KIR3DL2: variants seen among roughly 807,000 people sequenced by gnomAD.
KIR3DL2 encodes the protein killer cell immunoglobulin like receptor, three Ig domains and long cytoplasmic tail 2, also known as killer cell immunoglobulin-like receptor 3DL2.
In KIR3DL2, 42 loss-of-function variants were observed where a neutral mutation model predicts 41.6. The observed-to-expected ratio is 1.01, with a 90% CI of 0.79 to 1.31. The LOEUF (loss-of-function observed/expected upper bound fraction) is 1.31, where lower values mean the gene tolerates loss of function less well. Among genes scored for constraint, KIR3DL2 ranks in the 50% most tolerant of loss-of-function variants. The pLI is 0.00. For missense variants in KIR3DL2, 728 were observed against 576.8 expected (o/e 1.26, Z -2.68); for synonymous variants, 230 against 221.3 (o/e 1.04, Z -0.35).
Position 54,866,579 on chromosome 19 carries a change from T to C in KIR3DL2, c.1216T>C (p.Phe406Leu). 3.1e-6 allele frequency: 5 copies of C among 1,614,030 alleles called. No individual in the cohort carries two copies. The highest frequency in any genetic ancestry group is 3.4e-6 in the Non-Finnish European group (4 of 1,179,980). Residue 406 changes from phenylalanine (F) to leucine (L), a missense_variant, in exon 9 of 9, where the codon TTC (phenylalanine) becomes CTC (leucine). Coordinates refer to ENST00000326321, the MANE Select transcript of KIR3DL2 (RefSeq NM_006737.4). ...GTACGCACAGTTGGATCACTGCGTT[T>C]TCATACAGAGAAAAATCAGTCGCCC... The part of the protein sequence containing the change: ...VTYAQLDHCV[F>L]IQRKISRPSQ...
At position 54,864,968 on chromosome 19, in the gene KIR3DL2, C is replaced by T. The variant is rs150292458; in HGVS notation, c.1001-837C>T. Among the ~76,000 whole-genome samples, 596 of 152,136 alleles carry T rather than the reference C, an allele frequency of 3.9e-3. 4 individuals are homozygous for T. The highest frequency in any genetic ancestry group is 0.013 in the African/African-American group (552 of 41,526). ...AAAGGGAATGCTTCCAGTTTTTGCC[C>T]ATTCAGTATGATACTGGCTGTGGGT... On this transcript the variant is annotated intron_variant, in intron 6 of 8. Coordinates refer to ENST00000326321, the MANE Select transcript of KIR3DL2 (RefSeq NM_006737.4).
chr19:54,854,886 T>C (rs1170467302), intron 4 of KIR3DL2, among the ~76,000 whole-genome samples: 4 of 151,280 alleles, frequency 2.6e-5, no homozygotes, highest in African/African-American at 4.9e-5. Context: ...AGATTCCAAA[T>C]AGAACTAGAG....
rs1366326217 is a variant in KIR3DL2 at position 54,852,237 on chromosome 19, AC to A, written c.311del (p.Thr104MetfsTer11). On this transcript the variant is annotated frameshift_variant, in exon 3 of 9. Coordinates refer to ENST00000326321, the MANE Select transcript of KIR3DL2 (RefSeq NM_006737.4). LOFTEE classifies it high-confidence loss of function. ...TCGGGGTTCACGCCCACACTCCCTC[AC>A]TGGGTGGTCGGCACCCAGCAACCCC... ...RCRGSRPHSL[T>X]GWSAPSNPLV... is the part of the protein sequence containing the mutation. The A allele has an allele frequency of 6.2e-7, 1 of 1,610,894 alleles. No homozygotes were observed. Among genetic ancestry groups the A allele is most frequent in the Non-Finnish European group, 8.5e-7 (1 of 1,178,416 alleles).
chr19:54,853,714 G>A, intron 3 of KIR3DL2, 33 bp from the exon 4 acceptor site: 1 of 1,601,112 alleles, frequency 6.2e-7, no homozygotes, highest in South Asian at 1.1e-5. Context: ...GATAAAGAGA[G>A]ATGCCTTCTA....
Position 54,853,840 on chromosome 19 carries a change from T to G in KIR3DL2, c.449T>G (p.Phe150Cys). 6.2e-7 allele frequency: 1 copy of G among 1,613,274 alleles called. No homozygotes were observed. ...CTGCAATGTTGGTCAGATGTCATGT[T>G]TGAGCACTTCTTTCTGCACAGAGAG... Reference protein sequence around the residue: ...VILQCWSDVMFEHFFLHREGI... With the variant: ...VILQCWSDVMCEHFFLHREGI... Residue 150 changes from phenylalanine (F) to cysteine (C), a missense_variant, in exon 4 of 9, where the codon TTT becomes TGT. By Grantham distance (205) the Phe-to-Cys change is radical. Transcript: ENST00000326321.
rs769255248 is a variant in KIR3DL2, at chr19:54,855,871, T to G, written c.908T>G (p.Val303Gly). 2.5e-6 allele frequency: 4 copies of G among 1,610,290 alleles called. No individual in the cohort carries two copies. In the East Asian group the frequency reaches 6.7e-5, roughly 27 times the overall value. Residue 303 changes from valine to glycine, a missense_variant, in exon 5 of 9, where the codon GTG (valine) becomes GGG (glycine). Physicochemically the swap from Val to Gly is moderately radical, Grantham distance 109. Coordinates refer to ENST00000326321, the MANE Select transcript of KIR3DL2 (RefSeq NM_006737.4). ...GGCTCTTTCCGTGCCCTGCCCTGCG[T>G]GTGGTCAAACTCAAGTGACCCACTG... ...CFGSFRALPC[V>G]WSNSSDPLLV...
At chr19:54,856,783 C>G (rs1427533739) in intron 5 of KIR3DL2, among the ~76,000 whole-genome samples, 1 of 151,892 alleles carries the variant, frequency 6.6e-6, no homozygotes, top group African/African-American at 2.4e-5. Flanking sequence ...TTCATGAGAT[C>G]CACCTTTTAT....
intron 1 of KIR3DL2, 58 bp from the exon 2 acceptor site, chr19:54,851,162 C>A (rs1301703373): frequency 3.1e-6 from 5 of 1,599,024 alleles, no homozygotes; most frequent in Non-Finnish European, 4.3e-6. Flanking sequence ...GCAGTGGGGG[C>A]AGCAGGGTGC....
At chr19:54,851,425 G>T (rs112467345) in intron 2 of KIR3DL2, among the ~76,000 whole-genome samples, 170 bp downstream of exon 2, 1 of 150,924 alleles carries the variant, frequency 6.6e-6, no homozygotes, top group Non-Finnish European at 1.5e-5. Context: ...TCCCTTTCCT[G>T]AGTCAAGCTC....
At chr19:54,854,638 A>G (rs1242991169) in intron 4 of KIR3DL2, among the ~76,000 whole-genome samples, 1 of 151,844 alleles carries the variant, frequency 6.6e-6, no homozygotes, top group East Asian at 1.9e-4. Flanking sequence ...TCCTACATAT[A>G]ATAGGATCAC....
At chr19:54,859,163 G>C (rs1364767648) in intron 6 of KIR3DL2, 34 bp downstream of exon 6, 12 of 1,587,550 alleles carry the variant, frequency 7.6e-6, no homozygotes, top group African/African-American at 2.7e-5. Context: ...TCTGCTTTTG[G>C]AAACCTGGGG....
At chr19:54,864,514 G>T (rs1383195386) in intron 6 of KIR3DL2, among the ~76,000 whole-genome samples, 1 of 151,952 alleles carries the variant, frequency 6.6e-6, no homozygotes, top group Non-Finnish European at 1.5e-5. Context: ...CCATTTGTTT[G>T]TATCCTCTTT....
In KIR3DL2 at chr19:54,853,875, G is replaced by C. The variant is rs1335704207; in HGVS notation, c.484G>C (p.Glu162Gln). 1.1e-5 allele frequency: 17 copies of C among 1,613,226 alleles called. No individual in the cohort carries two copies. The highest frequency in any genetic ancestry group is 1.4e-5 in the Non-Finnish European group (16 of 1,179,746). ...HFFLHREGIS[E>Q]DPSRLVGQIH... ...CTTTCTGCACAGAGAGGGGATCTCT[G>C]AGGACCCCTCACGCCTCGTTGGACA... Residue 162 changes from glutamate to glutamine, a missense_variant, in exon 4 of 9, where the codon GAG (glutamate) becomes CAG (glutamine). Transcript: ENST00000326321.
rs1342497092 is a variant in KIR3DL2 at position 54,850,571 on chromosome 19, AAGATATGGGCCTGGAGTGG to A, written c.34+96_34+114del. The A allele has an allele frequency of 7.1e-3, 11,152 of 1,574,550 alleles. 69 individuals are homozygous for A. Among genetic ancestry groups the A allele is most frequent in the Middle Eastern group, 0.013 (78 of 5,968 alleles). On this transcript the variant is annotated intron_variant, in intron 1 of 8. Coordinates refer to ENST00000326321, the MANE Select transcript of KIR3DL2 (RefSeq NM_006737.4). ...GGATGGAGATCTCGGCCTAGAGGTA[AAGATATGGGCCTGGAGTGG>A]AGATATGGGCCTGGAGTGGAGATAT...
Position 54,865,791 on chromosome 19 carries a change from C to A in KIR3DL2, c.1001-14C>A. 1 of 1,505,190 alleles carries A rather than the reference C, an allele frequency of 6.6e-7. No homozygotes were observed. Among genetic ancestry groups the A allele is most frequent in the East Asian group, 2.2e-5 (1 of 44,448 alleles). The allele number at this position is 1,505,190 out of a possible 1,614,324, so 93.2% of individuals were successfully genotyped here. A position where few individuals can be genotyped will look rare whatever the true frequency, so the allele number is the denominator to read the frequency against. On this transcript the variant is annotated splice_polypyrimidine_tract_variant and intron_variant, in intron 6 of 8. Coordinates refer to ENST00000326321, the MANE Select transcript of KIR3DL2 (RefSeq NM_006737.4). ...CTATGATTAGCTTCTTATTGGATTC[C>A]CATCTTCCTCCAGGTATCTGCAGAC...
In KIR3DL2 at chr19:54,866,403, A is replaced by T. The variant is rs2065520668; in HGVS notation, c.1139A>T (p.Asp380Val). 6.2e-7 allele frequency: 1 copy of T among 1,613,750 alleles called. No homozygotes were observed. Residue 380 changes from aspartate to valine, a missense_variant, in exon 8 of 9, where the codon GAC (aspartate) becomes GTC (valine). Asp to Val is a radical substitution (Grantham distance 152, BLOSUM62 -3). Coordinates refer to ENST00000326321, the MANE Select transcript of KIR3DL2 (RefSeq NM_006737.4). The stretch of plus-strand genomic sequence containing the variant: ...GTAATGGACCAAGAGCCTGCGGGGG[A>T]CAGAACAGTGAATAGGCAGGTAGGT... The part of the protein sequence containing the change: ...AAVMDQEPAG[D>V]RTVNRQDSDE...
In KIR3DL2 at chr19:54,850,508, T is replaced by A; in HGVS notation, c.33T>A (p.Val11=). 2 of 1,609,378 alleles carry A rather than the reference T, an allele frequency of 1.2e-6. No individual in the cohort carries two copies. The highest frequency in any genetic ancestry group is 1.7e-6 in the Non-Finnish European group (2 of 1,179,862). MSLTVVSMAC[V]GFFLLQGAWP... ...TCACGGTCGTCAGCATGGCGTGCGT[T>A]GGTGAGTCCTGGAAGGGAATAGAGG... The change falls in exon 1 of 9, where the codon GTT becomes GTA. Residue 11 remains valine (V), a splice_region_variant and synonymous_variant. Coordinates refer to ENST00000326321, the MANE Select transcript of KIR3DL2 (RefSeq NM_006737.4).
At chr19:54,862,366 C>G (rs1395481884) in intron 6 of KIR3DL2, among the ~76,000 whole-genome samples, 1 of 152,108 alleles carries the variant, frequency 6.6e-6, no homozygotes, top group East Asian at 1.9e-4. Context: ...TCCAGTCTTT[C>G]CAGAGAAGAC....
chr19:54,852,815 G>C (rs1477863116), intron 3 of KIR3DL2, among the ~76,000 whole-genome samples: 1 of 150,958 alleles, frequency 6.6e-6, no homozygotes, highest in African/African-American at 2.5e-5. Context: ...TTCAGCACAG[G>C]GAGAACTGGA....
Sources: gnomAD v4.1 joint callset for allele counts (sites outside exome capture counted in the v4.1 genomes callset) on GRCh38, gnomAD v4.1.1 for gene constraint, MANE v1.5 for transcripts, NCBI Gene and HGNC (gene_info 2026-07-23, HGNC 2026-07-21) for gene names.